Variants in PPARGC1A observed in about 807,000 individuals in gnomAD.
The protein encoded by PPARGC1A is PPARG coactivator 1 alpha.
A neutral mutation model predicts 88.7 loss-of-function variants in PPARGC1A; 25 were observed. The ratio of observed to expected loss-of-function variants is 0.28; its 90% confidence interval spans 0.21 to 0.39. PPARGC1A has a LOEUF of 0.39. Ranked by LOEUF, PPARGC1A falls within the 10% of genes least tolerant of loss-of-function variation. PPARGC1A has a pLI of 1.00. For synonymous variants in PPARGC1A, 363 were observed against 355.6 expected, an observed-to-expected ratio of 1.02 and a Z score of -0.24; for missense variants, 880 against 968.7, an observed-to-expected ratio of 0.91 and a Z score of 1.22.
chr4:23,905,804 A>G (rs1719961945), upstream of PPARGC1A, among the ~76,000 whole-genome samples: 1 of 152,210 alleles, frequency 6.6e-6, no homozygotes, highest in Non-Finnish European at 1.5e-5. Flanking sequence ...AAACTTCAAG[A>G]CAGTCTTATT....
At chr4:24,002,542 A>C in the PPARGC1A span, among the ~76,000 whole-genome samples, 1 of 152,062 alleles carries the variant, frequency 6.6e-6, no homozygotes, top group Admixed American at 6.5e-5. Context: ...TAAAAAGAAG[A>C]ATCAAGCAAG....
At chr4:24,439,373 GA>G in the PPARGC1A span, among the ~76,000 whole-genome samples, 32 of 152,224 alleles carry the variant, frequency 2.1e-4, no homozygotes, top group African/African-American at 7.7e-4. Context: ...GACCAAGTCT[GA>G]AAACCACTGC....
the PPARGC1A span, among the ~76,000 whole-genome samples, chr4:24,254,627 G>A: frequency 2.6e-5 from 4 of 152,158 alleles, no homozygotes; most frequent in Admixed American, 6.5e-5. Flanking sequence ...AGGTGTTTCA[G>A]AACCACAACA....
chr4:24,250,258 GC>G, the PPARGC1A span, among the ~76,000 whole-genome samples: 1 of 152,220 alleles, frequency 6.6e-6, no homozygotes, highest in Admixed American at 6.5e-5. Context: ...CTGGTTTCCT[GC>G]AATTTCTGGA....
Position 23,829,482 on chromosome 4 carries a change from G to A in PPARGC1A, c.533C>T (p.Thr178Ile), listed in dbSNP as rs1724611812. Residue 178 changes from threonine to isoleucine, a missense_variant, in exon 4 of 13, where the codon ACA (threonine) becomes ATA (isoleucine). Transcript: ENST00000264867. ...NHANHNHRIR[T>I]NPAIVKTENS... The stretch of plus-strand genomic sequence containing the variant: ...TTGTACCTTAACAATTGCAGGGTTT[G>A]TTCTGATCCTGTGATTGTGATTTGC... 2.5e-6 allele frequency: 4 copies of A among 1,613,690 alleles called. No individual in the cohort carries two copies. The highest frequency in any genetic ancestry group is 2.2e-5 in the East Asian group (1 of 44,878).
the PPARGC1A span, among the ~76,000 whole-genome samples, chr4:23,949,476 G>A: frequency 1.4e-4 from 22 of 152,244 alleles, no homozygotes; most frequent in Non-Finnish European, 2.9e-4. Flanking sequence ...CAGTTAATTA[G>A]CACTGGCATT....
the PPARGC1A span, among the ~76,000 whole-genome samples, chr4:24,153,266 C>T: frequency 6.6e-6 from 1 of 151,934 alleles, no homozygotes; most frequent in South Asian, 2.1e-4. Flanking sequence ...GAATTTGCAC[C>T]AAACACTGAC....
chr4:24,078,235 A>T, the PPARGC1A span, among the ~76,000 whole-genome samples: 164 of 152,166 alleles, frequency 1.1e-3, 2 homozygotes, highest in Middle Eastern at 3.4e-3. Context: ...CAGGGGTTAC[A>T]AATGGTGAAC....
At chr4:24,009,402 T>C in the PPARGC1A span, among the ~76,000 whole-genome samples, 3 of 152,142 alleles carry the variant, frequency 2.0e-5, no homozygotes, top group African/African-American at 7.2e-5. Flanking sequence ...CTTCTGATGA[T>C]GGCATGAGGG....
At chr4:24,047,092 CA>C in the PPARGC1A span, among the ~76,000 whole-genome samples, 1 of 152,162 alleles carries the variant, frequency 6.6e-6, no homozygotes, top group Non-Finnish European at 1.5e-5. Flanking sequence ...TTCCATTATT[CA>C]TTCATTATCC....
chr4:23,801,917 G>A (rs1235849997), intron 11 of PPARGC1A, 36 bp from the exon 12 acceptor site: 3 of 1,611,540 alleles, frequency 1.9e-6, no homozygotes, highest in Non-Finnish European at 2.5e-6. Flanking sequence ...AGCTGGTTAA[G>A]AAGTATTAGT....
At chr4:24,349,995 C>A in the PPARGC1A span, among the ~76,000 whole-genome samples, 2 of 152,194 alleles carry the variant, frequency 1.3e-5, no homozygotes, top group Non-Finnish European at 2.9e-5. Flanking sequence ...TTCCTCTACC[C>A]CTGTATTTTG....
At chr4:24,118,947 A>G in the PPARGC1A span, among the ~76,000 whole-genome samples, 1 of 152,202 alleles carries the variant, frequency 6.6e-6, no homozygotes, top group African/African-American at 2.4e-5. Flanking sequence ...CAAAAGGTGC[A>G]TAACAAATTT....
the PPARGC1A span, among the ~76,000 whole-genome samples, chr4:24,031,727 CAA>C: frequency 6.6e-6 from 1 of 152,172 alleles, no homozygotes; most frequent in Admixed American, 6.5e-5. Context: ...GGGAAACAGT[CAA>C]AGTCACCCCC....
the PPARGC1A span, among the ~76,000 whole-genome samples, chr4:24,164,116 C>T: frequency 2.0e-5 from 3 of 152,162 alleles, no homozygotes; most frequent in Admixed American, 6.6e-5. Context: ...TCCTTGCATG[C>T]TTATTTTTCT....
chr4:24,188,678 C>A, the PPARGC1A span, among the ~76,000 whole-genome samples: 2 of 152,030 alleles, frequency 1.3e-5, no homozygotes, highest in Middle Eastern at 3.2e-3. Context: ...GAAACTGAAA[C>A]CCTCGTGCAC....
intron 2 of PPARGC1A, among the ~76,000 whole-genome samples, chr4:23,862,072 CCA>C (rs1196705499): frequency 6.6e-6 from 1 of 152,158 alleles, no homozygotes; most frequent in African/African-American, 2.4e-5. Context: ...CAAACAGTGC[CCA>C]GTTTCACAAT....
the PPARGC1A span, among the ~76,000 whole-genome samples, chr4:24,147,499 C>T: frequency 2.0e-5 from 3 of 152,268 alleles, no homozygotes; most frequent in African/African-American, 7.2e-5. Context: ...CCCACAGCCC[C>T]TTCTGAAGAA....
chr4:24,138,735 G>A, the PPARGC1A span, among the ~76,000 whole-genome samples: 1 of 152,124 alleles, frequency 6.6e-6, no homozygotes, highest in African/African-American at 2.4e-5. Flanking sequence ...TGATTAAAAT[G>A]GTCAGCTCTC....
Sources: gnomAD v4.1 joint callset for allele counts (sites outside exome capture counted in the v4.1 genomes callset) on GRCh38, gnomAD v4.1.1 for gene constraint, MANE v1.5 for transcripts, NCBI Gene and HGNC (gene_info 2026-07-23, HGNC 2026-07-21) for gene names.